Variants in NRAP observed in about 807,000 individuals in gnomAD.
NRAP encodes the protein nebulin related anchoring protein.
In NRAP, 189 loss-of-function variants were observed where a neutral mutation model predicts 225.9. That is an observed-to-expected ratio of 0.84 (90% CI 0.74 to 0.94). The LOEUF is 0.94. Among genes scored for constraint, NRAP ranks in the 40% least tolerant of loss-of-function variants. The pLI is 0.00. For synonymous variants in NRAP, 769 were observed against 790.7 expected (o/e 0.97, Z 0.46); for missense variants, 2,176 against 2,168.7 (o/e 1.00, Z -0.07).
intron 38 of NRAP, among the ~76,000 whole-genome samples, chr10:113,594,698 A>G (rs1050794627): frequency 5.3e-5 from 8 of 152,368 alleles, no homozygotes; most frequent in African/African-American, 1.4e-4. Context: ...ACAAAGCACC[A>G]TCGCATTCAC....
At chr10:113,600,108 C>A (rs1374887841) in intron 35 of NRAP, among the ~76,000 whole-genome samples, 1 of 151,480 alleles carries the variant, frequency 6.6e-6, no homozygotes, top group African/African-American at 2.4e-5. Context: ...GTTTTAGACC[C>A]ATTATTTCAT....
chr10:113,634,037 A>G, intron 15 of NRAP, 75 bp downstream of exon 15: 1 of 878,492 alleles, frequency 1.1e-6, no homozygotes, highest in Non-Finnish European at 1.9e-6. Context: ...AAATCCTTGG[A>G]GGTCAGATGT....
At chr10:113,642,863 TC>T (rs1169706202) in intron 12 of NRAP, 70 bp downstream of exon 12, 9 of 809,692 alleles carry the variant, frequency 1.1e-5, no homozygotes, top group Non-Finnish European at 2.0e-5. Context: ...CCATAGACTG[TC>T]CCTCTTAGGA....
At chr10:113,663,206 C>T in intron 2 of NRAP, 146 bp downstream of exon 2, 1 of 606,878 alleles carries the variant, frequency 1.6e-6, no homozygotes, top group South Asian at 2.2e-5. Context: ...CCTTAGGTCT[C>T]TTTAATGACA....
chr10:113,646,225 C>G (rs1245435938), intron 10 of NRAP, among the ~76,000 whole-genome samples: 1 of 152,074 alleles, frequency 6.6e-6, no homozygotes, highest in Non-Finnish European at 1.5e-5. Context: ...GTTGTCAGTC[C>G]AAACCCATTC....
intron 35 of NRAP, among the ~76,000 whole-genome samples, chr10:113,599,370 C>T (rs549821916): frequency 7.2e-5 from 11 of 152,258 alleles, no homozygotes; most frequent in African/African-American, 2.2e-4. Context: ...TTTTATACCA[C>T]GATCTTTCAG....
chr10:113,606,406 G>C (rs1846971680), intron 32 of NRAP, 124 bp from the exon 33 acceptor site: 2 of 631,502 alleles, frequency 3.2e-6, no homozygotes, highest in African/African-American at 1.8e-5. Flanking sequence ...TTGTGTCATG[G>C]ATACATCTCC....
chr10:113,631,745 A>G, intron 17 of NRAP, 112 bp downstream of exon 17: 2 of 888,336 alleles, frequency 2.3e-6, no homozygotes, highest in Admixed American at 2.0e-5. Flanking sequence ...GAAGAAGATT[A>G]AAGTATTGCG....
At chr10:113,615,053 C>T (rs1592767840) in intron 27 of NRAP, 107 bp from the exon 28 acceptor site, 1 of 722,104 alleles carries the variant, frequency 1.4e-6, no homozygotes, top group East Asian at 2.5e-5. Flanking sequence ...CCCTCCCTCC[C>T]CTGGCCAGTT....
intron 3 of NRAP, among the ~76,000 whole-genome samples, chr10:113,660,468 T>A (rs1481458683): frequency 6.6e-6 from 1 of 152,168 alleles, no homozygotes; most frequent in African/African-American, 2.4e-5. Flanking sequence ...CACATCACTG[T>A]CTGTGGCTGG....
Position 113,662,683 on chromosome 10 carries a change from C to T in NRAP, c.251G>A (p.Ser84Asn), listed in dbSNP as rs145242709. ...LNVRTFPEAI[S>N]GIHDQEDGEQ... ...ACTGAAAATTAAATAACTTACCCCA[C>T]TGATGGCCTCTGGAAATGTCCTCAC... The change falls in exon 3 of 42, where the codon AGT (serine) becomes AAT (asparagine). Residue 84 changes from serine (S) to asparagine (N), a missense_variant. Physicochemically the swap from Ser to Asn is conservative, Grantham distance 46. Transcript: ENST00000359988. 18 of 1,532,070 alleles carry T rather than the reference C, an allele frequency of 1.2e-5. No homozygotes were observed. The highest frequency in any genetic ancestry group is 1.6e-5 in the Non-Finnish European group (18 of 1,105,054). The allele number at this position is 1,532,070 out of a possible 1,614,324, so 94.9% of individuals were successfully genotyped here. A position where few individuals can be genotyped will look rare whatever the true frequency, so the allele number is the denominator to read the frequency against.
rs145836423 is a variant in NRAP at position 113,589,554 on chromosome 10, T to G, written c.5088+112A>C. The G allele has an allele frequency of 3.4e-4, 455 of 1,329,332 alleles. 3 individuals carry two copies. In the African/African-American group the frequency reaches 6.0e-3, roughly 18 times the overall value. 82.3% of individuals were successfully genotyped at this position (1,329,332 alleles called of 1,614,324 possible). On this transcript the variant is annotated intron_variant, in intron 41 of 41. Transcript: ENST00000359988. ...GCCTTGTTTGAGCTGCGTTTCACAC[T>G]TCTTTAGAGCTAGCTGACCTTTGGC... is the stretch of plus-strand genomic sequence containing the variant.
chr10:113,642,615 G>A (rs975935529), intron 12 of NRAP, among the ~76,000 whole-genome samples: 2 of 152,128 alleles, frequency 1.3e-5, no homozygotes, highest in Admixed American at 6.5e-5. Flanking sequence ...GAGAGGGGAC[G>A]TCACATGCTC....
chr10:113,646,791 G>T, intron 10 of NRAP, 132 bp downstream of exon 10: 1 of 688,154 alleles, frequency 1.5e-6, no homozygotes. Flanking sequence ...AATTTGGATG[G>T]GAGTTGAGGG....
chr10:113,612,895 G>A (rs969004172), intron 29 of NRAP, among the ~76,000 whole-genome samples: 21 of 152,124 alleles, frequency 1.4e-4, no homozygotes, highest in Non-Finnish European at 4.4e-5. Context: ...CCTAGCCAAC[G>A]TGGGAGCCAG....
At chr10:113,655,934 T>C (rs1304946295) in intron 4 of NRAP, among the ~76,000 whole-genome samples, 2 of 152,070 alleles carry the variant, frequency 1.3e-5, no homozygotes, top group Non-Finnish European at 2.9e-5. Context: ...AAAAATAAAA[T>C]TCTAAGCCCC....
intron 25 of NRAP, among the ~76,000 whole-genome samples, chr10:113,620,342 G>A (rs1383676288): frequency 6.6e-6 from 1 of 152,126 alleles, no homozygotes; most frequent in Admixed American, 6.5e-5. Context: ...AGGTAAGTTG[G>A]TGGGTAGCAA....
At chr10:113,638,314 C>A (rs189740951) in intron 14 of NRAP, among the ~76,000 whole-genome samples, 1 of 152,272 alleles carries the variant, frequency 6.6e-6, no homozygotes, top group African/African-American at 2.4e-5. Flanking sequence ...GCCATTGCTT[C>A]AGTCTACATT....
rs1177826825 is a variant in NRAP at position 113,623,583 on chromosome 10, A to C, written c.2403T>G (p.Arg801=). ...CTGCCAGGAAGGTCAAGGAATCAAG[A>C]CGCAGCTCAAACCCTTTTGCTTTCT... ...ENQKAKGFEL[R]LDSLTFLAAK... is the part of the protein sequence containing the mutation. Residue 801 remains arginine, a synonymous_variant, in exon 23 of 42, where the codon CGT becomes CGG. Coordinates refer to ENST00000359988, the MANE Select transcript of NRAP (RefSeq NM_198060.4). 1 of 1,613,860 alleles carries C rather than the reference A, an allele frequency of 6.2e-7. No homozygotes were observed. The highest frequency in any genetic ancestry group is 8.5e-7 in the Non-Finnish European group (1 of 1,179,882).
Sources: gnomAD v4.1 joint callset for allele counts (sites outside exome capture counted in the v4.1 genomes callset) on GRCh38, gnomAD v4.1.1 for gene constraint, MANE v1.5 for transcripts, NCBI Gene and HGNC (gene_info 2026-07-23, HGNC 2026-07-21) for gene names.